PAPPA2: variants seen among roughly 807,000 people sequenced by gnomAD.
PAPPA2 encodes the protein pappalysin-2.
A neutral mutation model predicts 176.4 loss-of-function variants in PAPPA2; 86 were observed. The observed-to-expected ratio is 0.49, with a 90% CI of 0.41 to 0.58. The LOEUF (loss-of-function observed/expected upper bound fraction) is 0.58. Among genes scored for constraint, PAPPA2 ranks in the 20% least tolerant of loss-of-function variants. The probability of loss-of-function intolerance (pLI) is 0.00; values close to 1 mark genes in which losing one functional copy is unlikely to be tolerated. For synonymous variants in PAPPA2, 809 were observed against 852.2 expected (o/e 0.95, Z 0.88); for missense variants, 2,073 against 2,256.9 (o/e 0.92, Z 1.65).
intron 22 of PAPPA2, among the ~76,000 whole-genome samples, chr1:176,840,919 A>G (rs1219771404): frequency 1.3e-5 from 2 of 152,228 alleles, no homozygotes; most frequent in Admixed American, 6.5e-5. Context: ...ATCTGAAATA[A>G]GCAAGAGATG....
At chr1:176,789,486 G>A (rs926234865) in intron 17 of PAPPA2, among the ~76,000 whole-genome samples, 1 of 151,732 alleles carries the variant, frequency 6.6e-6, no homozygotes, top group Non-Finnish European at 1.5e-5. Flanking sequence ...ACACCAGCAT[G>A]GTACATGTAT....
chr1:176,798,420 A>G (rs1379698579), intron 20 of PAPPA2, among the ~76,000 whole-genome samples: 1 of 152,148 alleles, frequency 6.6e-6, no homozygotes, highest in African/African-American at 2.4e-5. Flanking sequence ...TAACTGACTG[A>G]TTAGGGTGGG....
At chr1:176,484,326 T>G (rs1652551811) in intron 1 of PAPPA2, among the ~76,000 whole-genome samples, 1 of 152,194 alleles carries the variant, frequency 6.6e-6, no homozygotes, top group Admixed American at 6.5e-5. Context: ...GTATGTGTAG[T>G]TTTTTTCTGG....
chr1:176,573,192 G>C (rs886930972), intron 2 of PAPPA2, among the ~76,000 whole-genome samples: 1 of 152,156 alleles, frequency 6.6e-6, no homozygotes, highest in African/African-American at 2.4e-5. Flanking sequence ...ACCCCCTAAG[G>C]TGTGTGACTT....
intron 12 of PAPPA2, among the ~76,000 whole-genome samples, chr1:176,719,437 A>G (rs565339158): frequency 6.6e-6 from 1 of 152,310 alleles, no homozygotes; most frequent in East Asian, 1.9e-4. Context: ...CAAAGCAAGC[A>G]GTTCTTCTGT....
chr1:176,763,103 T>C (rs1663771754), intron 14 of PAPPA2, among the ~76,000 whole-genome samples: 1 of 152,210 alleles, frequency 6.6e-6, no homozygotes, highest in Non-Finnish European at 1.5e-5. Flanking sequence ...CAAGGTAGTA[T>C]GTGCATATTC....
At chr1:176,837,906 A>T (rs998061958) in intron 21 of PAPPA2, among the ~76,000 whole-genome samples, 1 of 152,206 alleles carries the variant, frequency 6.6e-6, no homozygotes, top group Admixed American at 6.5e-5. Context: ...ACAGGTTGCC[A>T]TAGGAGACTC....
intron 17 of PAPPA2, among the ~76,000 whole-genome samples, chr1:176,772,008 A>G (rs1191268007): frequency 6.6e-6 from 1 of 152,142 alleles, no homozygotes; most frequent in East Asian, 1.9e-4. Flanking sequence ...GCTTGCATCC[A>G]TGTTGAGTTG....
intron 8 of PAPPA2, among the ~76,000 whole-genome samples, chr1:176,701,047 C>T (rs937495936): frequency 1.6e-5 from 2 of 126,000 alleles, no homozygotes; most frequent in Non-Finnish European, 3.3e-5. Flanking sequence ...TACACACACA[C>T]ACATACACAC....
chr1:176,623,561 T>C (rs961599257), intron 3 of PAPPA2, among the ~76,000 whole-genome samples: 3 of 84,196 alleles, frequency 3.6e-5, no homozygotes, highest in South Asian at 5.2e-4. Context: ...ATTTTCCCCT[T>C]CCTTCCTTCC....
chr1:176,755,702 A>T (rs1663382907), intron 14 of PAPPA2, among the ~76,000 whole-genome samples: 1 of 152,144 alleles, frequency 6.6e-6, no homozygotes, highest in African/African-American at 2.4e-5. Context: ...GGAGAAAAGC[A>T]TTTAGAGTTG....
At chr1:176,619,819 T>G (rs1192208579) in intron 3 of PAPPA2, among the ~76,000 whole-genome samples, 2 of 152,176 alleles carry the variant, frequency 1.3e-5, no homozygotes. Flanking sequence ...ACAATACTAC[T>G]GCAGGAAATT....
chr1:176,787,416 G>A (rs1363551776), intron 17 of PAPPA2, among the ~76,000 whole-genome samples: 7 of 151,932 alleles, frequency 4.6e-5, no homozygotes, highest in South Asian at 4.2e-4. Flanking sequence ...TGCATTTTTT[G>A]TAGATAAGAG....
chr1:176,631,730 A>C (rs1656351671), intron 3 of PAPPA2, among the ~76,000 whole-genome samples: 1 of 152,192 alleles, frequency 6.6e-6, no homozygotes, highest in Non-Finnish European at 1.5e-5. Flanking sequence ...GTGAATGGAA[A>C]GTGAAAATGT....
At chr1:176,790,944 G>A (rs1275341132) in intron 18 of PAPPA2, among the ~76,000 whole-genome samples, 8 of 152,124 alleles carry the variant, frequency 5.3e-5, no homozygotes, top group South Asian at 4.1e-4. Context: ...GATGAAACTC[G>A]TCTTGAAAAA....
chr1:176,690,372 C>T lies in PAPPA2; in HGVS notation c.2373C>T (p.Asp791=). Residue 791 remains aspartate, a synonymous_variant, in exon 5 of 23, where the codon GAC becomes GAT. Transcript: ENST00000367662. ...GCCGGGAACCAGAGCCCACTAGTGA[C>T]ACCTGTGGCTTCACTCGCTTCCCAG... ...ELCREPEPTS[D]TCGFTRFPGA... is the part of the protein sequence containing the mutation. 6.2e-7 allele frequency: 1 copy of T among 1,614,168 alleles called. No homozygotes were observed.
chr1:176,791,308 A>C (rs1281443074), intron 18 of PAPPA2, 39 bp from the exon 19 acceptor site: 1 of 1,581,302 alleles, frequency 6.3e-7, no homozygotes, highest in Non-Finnish European at 8.7e-7. Flanking sequence ...AATAAAGTTA[A>C]CAAAACAATA....
chr1:176,580,279 G>A (rs1407904866), intron 2 of PAPPA2, among the ~76,000 whole-genome samples: 1 of 152,116 alleles, frequency 6.6e-6, no homozygotes. Context: ...TCTGTTCCTG[G>A]CTTATTTCAC....
chr1:176,472,930 G>A (rs757892999), intron 1 of PAPPA2, among the ~76,000 whole-genome samples: 4 of 152,030 alleles, frequency 2.6e-5, no homozygotes, highest in Admixed American at 6.6e-5. Flanking sequence ...GAGATTTCCT[G>A]TATACTCCCT....
Sources: gnomAD v4.1 joint callset for allele counts (sites outside exome capture counted in the v4.1 genomes callset) on GRCh38, gnomAD v4.1.1 for gene constraint, MANE v1.5 for transcripts, NCBI Gene and HGNC (gene_info 2026-07-23, HGNC 2026-07-21) for gene names.